Variants in OTOGL observed in about 807,000 individuals in gnomAD.
OTOGL encodes otogelin-like protein.
Under a neutral mutation model 318.5 loss-of-function variants are expected in OTOGL, and 285 were observed. That is an observed-to-expected ratio of 0.89 (90% CI 0.81 to 0.99). OTOGL has a LOEUF of 0.99. Ranked by LOEUF, OTOGL falls within the 50% of genes least tolerant of loss-of-function variation. The pLI is 0.00. For synonymous variants in OTOGL, 987 were observed against 936.5 expected, an observed-to-expected ratio of 1.05 and a Z score of -0.99; for missense variants, 2,899 against 2,845.6, an observed-to-expected ratio of 1.02 and a Z score of -0.43.
intron 49 of OTOGL, among the ~76,000 whole-genome samples, chr12:80,357,518 G>A (rs771537883): frequency 1.3e-5 from 2 of 152,088 alleles, no homozygotes; most frequent in Non-Finnish European, 2.9e-5. Flanking sequence ...TTGACTGCAA[G>A]TGGCAAAACT....
chr12:80,163,144 AC>A (rs1385639971), intron 1 of OTOGL, among the ~76,000 whole-genome samples: 1 of 152,114 alleles, frequency 6.6e-6, no homozygotes, highest in Non-Finnish European at 1.5e-5. Flanking sequence ...GTCATAATTA[AC>A]TTTTATTTAA....
intron 22 of OTOGL, among the ~76,000 whole-genome samples, chr12:80,267,559 TC>T (rs1883089632): frequency 1.8e-5 from 1 of 56,764 alleles, no homozygotes; most frequent in South Asian, 7.8e-4. Context: ...CCCTCCCCCC[TC>T]CCCCCACCCC....
At chr12:80,344,032 G>A (rs935243449) in intron 44 of OTOGL, among the ~76,000 whole-genome samples, 1 of 152,124 alleles carries the variant, frequency 6.6e-6, no homozygotes, top group African/African-American at 2.4e-5. Context: ...TGCCCTACGC[G>A]TTCCCTGAGG....
At chr12:80,105,940 A>C (rs545689950) in intron 1 of OTOGL, among the ~76,000 whole-genome samples, 5 of 152,336 alleles carry the variant, frequency 3.3e-5, no homozygotes, top group Admixed American at 2.6e-4. Context: ...TTACGGATAA[A>C]AACGTTTCCA....
intron 18 of OTOGL, 44 bp downstream of exon 18, chr12:80,258,046 A>AT: frequency 6.9e-7 from 1 of 1,449,094 alleles, no homozygotes; most frequent in Non-Finnish European, 9.1e-7. Context: ...ATGACTGGTC[A>AT]TTTAAAGGAT....
At chr12:80,271,599 A>G (rs1355687184) in intron 23 of OTOGL, 49 bp from the exon 24 acceptor site, 2 of 1,561,060 alleles carry the variant, frequency 1.3e-6, no homozygotes, top group Non-Finnish European at 1.7e-6. Context: ...CATATCTCCC[A>G]TGCCATGACA....
chr12:80,339,239 G>C lies in OTOGL; in HGVS notation c.5025G>C (p.Leu1675Phe). 1 of 1,574,456 alleles carries C rather than the reference G, an allele frequency of 6.4e-7. No individual in the cohort carries two copies. The highest frequency in any genetic ancestry group is 8.6e-7 in the Non-Finnish European group (1 of 1,157,888). Reference protein sequence around the residue: ...IDIHFGFRFNLSSYTEGLCGI... With the variant: ...IDIHFGFRFNFSSYTEGLCGI... Reference sequence around the variant, plus strand: ...TTCATTTTGGCTTCCGATTTAACTTGTCATCCTACACAGAAGGACTCTGTG... The same window carrying C: ...TTCATTTTGGCTTCCGATTTAACTTCTCATCCTACACAGAAGGACTCTGTG... Residue 1675 changes from leucine to phenylalanine, a missense_variant, in exon 43 of 59, where the codon TTG becomes TTC. By Grantham distance (22) the Leu-to-Phe change is conservative. Transcript: ENST00000547103.
chr12:80,372,684 A>T (rs953784141), intron 57 of OTOGL, among the ~76,000 whole-genome samples: 1 of 144,614 alleles, frequency 6.9e-6, no homozygotes, highest in East Asian at 2.0e-4. Context: ...GGTTTATTTC[A>T]TAGTAATTGT....
At chr12:80,254,414 T>C in intron 14 of OTOGL, 110 bp from the exon 15 acceptor site, 1 of 645,944 alleles carries the variant, frequency 1.5e-6, no homozygotes, top group Non-Finnish European at 2.5e-6. Flanking sequence ...AGTCAGATTA[T>C]TCTGAACCTA....
intron 9 of OTOGL, among the ~76,000 whole-genome samples, chr12:80,235,467 C>CAAA (rs10600987): frequency 1.3e-4 from 11 of 86,922 alleles, no homozygotes; most frequent in African/African-American, 2.2e-4. Context: ...GACTCTGTCT[C>CAAA]AAAAAAAAAA....
chr12:80,189,655 T>C (rs954705858), intron 1 of OTOGL, among the ~76,000 whole-genome samples: 4 of 152,202 alleles, frequency 2.6e-5, no homozygotes, highest in Non-Finnish European at 4.4e-5. Context: ...GCCCCATACC[T>C]AGAAAGTAGA....
At chr12:80,370,485 C>A in intron 55 of OTOGL, 85 bp from the exon 56 acceptor site, 1 of 1,187,800 alleles carries the variant, frequency 8.4e-7, no homozygotes, top group Non-Finnish European at 1.1e-6. Context: ...CTTGATTTGA[C>A]TTTTTATTCA....
intron 7 of OTOGL, among the ~76,000 whole-genome samples, chr12:80,223,821 G>C (rs1377466426): frequency 2.0e-5 from 3 of 152,012 alleles, no homozygotes; most frequent in Admixed American, 6.6e-5. Context: ...TGTAGATTCT[G>C]TATATTAGTC....
intron 29 of OTOGL, among the ~76,000 whole-genome samples, chr12:80,307,042 A>G (rs1184857761): frequency 6.7e-6 from 1 of 149,462 alleles, no homozygotes; most frequent in Non-Finnish European, 1.5e-5. Context: ...GCATCTGTTT[A>G]ACAAAGCACA....
chr12:80,315,907 T>A (rs1452358461), intron 32 of OTOGL, among the ~76,000 whole-genome samples: 7 of 152,108 alleles, frequency 4.6e-5, no homozygotes, highest in Non-Finnish European at 5.9e-5. Context: ...AACACACACT[T>A]CACATCAATC....
chr12:80,264,792 A>ATTTT (rs34435931), intron 19 of OTOGL, among the ~76,000 whole-genome samples: 2 of 151,704 alleles, frequency 1.3e-5, no homozygotes, highest in South Asian at 4.2e-4. Context: ...ACAATACACT[A>ATTTT]TTTTTTTTCC....
intron 1 of OTOGL, among the ~76,000 whole-genome samples, chr12:80,101,861 T>A (rs920209891): frequency 3.3e-5 from 5 of 152,202 alleles, no homozygotes; most frequent in African/African-American, 9.7e-5. Context: ...GGTATTGATG[T>A]CCTCATTGTA....
chr12:80,227,909 A>C (rs1429756866), intron 7 of OTOGL, among the ~76,000 whole-genome samples: 2 of 152,116 alleles, frequency 1.3e-5, no homozygotes, highest in African/African-American at 4.8e-5. Context: ...TTCCCTGCTT[A>C]ATATTTCTCC....
At chr12:80,268,811 G>A (rs1219359403) in intron 22 of OTOGL, among the ~76,000 whole-genome samples, 1 of 151,554 alleles carries the variant, frequency 6.6e-6, no homozygotes, top group Non-Finnish European at 1.5e-5. Flanking sequence ...CTTCCTCTCT[G>A]GTGTTCTTGC....
Sources: allele counts gnomAD v4.1 joint callset (sites outside exome capture counted in the v4.1 genomes callset), GRCh38; gene constraint gnomAD v4.1.1; transcripts MANE v1.5; gene names NCBI Gene and HGNC (gene_info 2026-07-23, HGNC 2026-07-21).